The following SEMG2 variants were observed in gnomAD, a reference collection of about 807,000 sequenced individuals.
The protein encoded by SEMG2 is semenogelin 2, also known as semenogelin-2.
SEMG2 carries 3 observed loss-of-function variants against 8.1 expected under a neutral mutation model. That is an observed-to-expected ratio of 0.37 (90% CI 0.17 to 0.96). SEMG2 has a LOEUF of 0.96. Ranked by LOEUF, SEMG2 falls within the 40% of genes least tolerant of loss-of-function variation. The pLI is 0.41. For synonymous variants in SEMG2, 252 were observed against 231.4 expected, an observed-to-expected ratio of 1.09 and a Z score of -0.81; for missense variants, 726 against 671.2, an observed-to-expected ratio of 1.08 and a Z score of -0.90.
chr20:45,222,867 G>A lies in SEMG2; in HGVS notation c.1235G>A (p.Ser412Asn). Residue 412 changes from serine to asparagine, a missense_variant, in exon 2 of 3, where the codon AGT (serine) becomes AAT (asparagine). Coordinates refer to ENST00000372769, the MANE Select transcript of SEMG2 (RefSeq NM_003008.3). ...KENKISYQSS[S>N]TEERRLNSGE... ...AATAAAATATCATACCAATCTTCGA[G>A]TACAGAAGAAAGACGTCTCAACAGT... 4 of 1,613,740 alleles carry A rather than the reference G, an allele frequency of 2.5e-6. No individual in the cohort carries two copies. The South Asian group carries it at 4.4e-5, about 18-fold the overall frequency.
rs1358291783 is a variant in SEMG2 at position 45,223,236 on chromosome 20, A to G, written c.1604A>G (p.Gln535Arg). 6.2e-7 allele frequency: 1 copy of G among 1,614,224 alleles called. No homozygotes were observed. Among genetic ancestry groups the G allele is most frequent in the Non-Finnish European group, 8.5e-7 (1 of 1,180,032 alleles). ...GKSGQSADSK[Q>R]DLLSHEQKGR... ...TCTGGTCAATCTGCAGATAGCAAAC[A>G]AGACCTACTCAGTCATGAACAAAAA... is the stretch of plus-strand genomic sequence containing the variant. Residue 535 changes from glutamine to arginine, a missense_variant, in exon 2 of 3, where the codon CAA (glutamine) becomes CGA (arginine). Physicochemically the swap from Gln to Arg is conservative, Grantham distance 43. Transcript: ENST00000372769.
Position 45,222,860 on chromosome 20 carries a change from T to C in SEMG2, c.1228T>C (p.Ser410Pro). 1 of 1,613,608 alleles carries C rather than the reference T, an allele frequency of 6.2e-7. No individual in the cohort carries two copies. Among genetic ancestry groups the C allele is most frequent in the Non-Finnish European group, 8.5e-7 (1 of 1,179,910 alleles). The part of the protein sequence containing the change: ...GHKENKISYQ[S>P]SSTEERRLNS... ...TAAGGAAAATAAAATATCATACCAATCTTCGAGTACAGAAGAAAGACGTCT... is the reference window on the plus strand; with the variant it reads ...TAAGGAAAATAAAATATCATACCAACCTTCGAGTACAGAAGAAAGACGTCT... Residue 410 changes from serine to proline, a missense_variant, in exon 2 of 3, where the codon TCT (serine) becomes CCT (proline). Transcript: ENST00000372769.
intron 2 of SEMG2, 132 bp downstream of exon 2, chr20:45,223,557 A>G (rs1458531156): frequency 1.7e-4 from 88 of 506,146 alleles, no homozygotes; most frequent in Non-Finnish European, 6.2e-5. Context: ...GGGAAGATGA[A>G]CACCATTTCC....
At position 45,221,950 on chromosome 20, in the gene SEMG2, G is replaced by T. The variant is rs773732268; in HGVS notation, c.318G>T (p.Leu106=). The T allele has an allele frequency of 1.2e-6, 2 of 1,613,398 alleles. No individual in the cohort carries two copies. The highest frequency in any genetic ancestry group is 8.5e-7 in the Non-Finnish European group (1 of 1,179,830). ...AACACCTAGGTGGAAGTCAACAACT[G>T]CTCAATTATAAACAAGAAGGCAGAG... ...SKQHLGGSQQ[L]LNYKQEGRDH... Residue 106 remains leucine, a synonymous_variant, in exon 2 of 3, where the codon CTG becomes CTT. Transcript: ENST00000372769.
rs1204674875 is a variant in SEMG2 at position 45,223,101 on chromosome 20, C to T, written c.1469C>T (p.Ser490Phe). The T allele has an allele frequency of 6.2e-7, 1 of 1,614,098 alleles. No homozygotes were observed. The highest frequency in any genetic ancestry group is 8.5e-7 in the Non-Finnish European group (1 of 1,180,002). ...GGAAAGAGCACGCAGAAAGATGTAT[C>T]CCAAAGCAGTATTTCTTTCCAAATT... ...YGGKSTQKDV[S>F]QSSISFQIEK... Residue 490 changes from serine (S) to phenylalanine (F), a missense_variant, in exon 2 of 3, where the codon TCC becomes TTC. Physicochemically the swap from Ser to Phe is radical, Grantham distance 155. Transcript: ENST00000372769.
At chr20:45,223,688 G>A (rs189691241) in intron 2 of SEMG2, among the ~76,000 whole-genome samples, 1 of 152,142 alleles carries the variant, frequency 6.6e-6, no homozygotes, top group Non-Finnish European at 1.5e-5. Context: ...ACCTGCTAAA[G>A]ATTTTTTTGA....
At position 45,221,998 on chromosome 20, in the gene SEMG2, T is replaced by C. The variant is rs753403910; in HGVS notation, c.366T>C (p.His122=). The change falls in exon 2 of 3, where the codon CAT becomes CAC. Residue 122 remains histidine (H), a synonymous_variant. Transcript: ENST00000372769. The part of the protein sequence containing the change: ...EGRDHDKSKG[H]FHMIVIHHKG... The stretch of plus-strand genomic sequence containing the variant: ...GAGACCATGATAAATCAAAAGGTCA[T>C]TTTCACATGATAGTTATACATCATA... The C allele has an allele frequency of 1.2e-6, 2 of 1,613,992 alleles. No individual in the cohort carries two copies. The highest frequency in any genetic ancestry group is 2.7e-5 in the African/African-American group (2 of 74,930).
rs773132069 is a variant in SEMG2, at chr20:45,222,029, G to A, written c.397G>A (p.Gly133Ser). 8.7e-6 allele frequency: 14 copies of A among 1,614,022 alleles called. No individual in the cohort carries two copies. The highest frequency in any genetic ancestry group is 2.7e-5 in the African/African-American group (2 of 74,914). Residue 133 changes from glycine (G) to serine (S), a missense_variant, in exon 2 of 3, where the codon GGC (glycine) becomes AGC (serine). Transcript: ENST00000372769. The stretch of plus-strand genomic sequence containing the variant: ...CATGATAGTTATACATCATAAAGGA[G>A]GCCAAGCTCATCATGGGACACAAAA... ...FHMIVIHHKGGQAHHGTQNPS... is the reference protein window; with the variant it reads ...FHMIVIHHKGSQAHHGTQNPS...
Position 45,222,415 on chromosome 20 carries a change from A to C in SEMG2, c.783A>C (p.Leu261=). Residue 261 remains leucine, a synonymous_variant, in exon 2 of 3, where the codon CTA becomes CTC. Transcript: ENST00000372769. ...KDIFTTQDEL[L]VYNKNQHQTK... is the part of the protein sequence containing the mutation. Reference sequence around the variant, plus strand: ...TTTTTACTACCCAAGATGAGCTCCTAGTATATAACAAGAATCAACACCAGA... The same window carrying C: ...TTTTTACTACCCAAGATGAGCTCCTCGTATATAACAAGAATCAACACCAGA... The C allele has an allele frequency of 6.2e-7, 1 of 1,614,142 alleles. No individual in the cohort carries two copies. The highest frequency in any genetic ancestry group is 8.5e-7 in the Non-Finnish European group (1 of 1,179,992).
In SEMG2 at chr20:45,221,803, T is replaced by C. The variant is rs1202210444; in HGVS notation, c.171T>C (p.Thr57=). The C allele has an allele frequency of 2.5e-6, 4 of 1,614,156 alleles. No homozygotes were observed. Among genetic ancestry groups the C allele is most frequent in the Non-Finnish European group, 3.4e-6 (4 of 1,180,010 alleles). Residue 57 remains threonine, a synonymous_variant, in exon 2 of 3, where the codon ACT becomes ACC. Coordinates refer to ENST00000372769, the MANE Select transcript of SEMG2 (RefSeq NM_003008.3). ...TTGGACAAAAAGACCAACAACATAC[T>C]AAATCCAAAGGCAGTTTTTCTATTC... The part of the protein sequence containing the change: ...HYFGQKDQQH[T]KSKGSFSIQH...
rs1364200466 is a variant in SEMG2 at position 45,223,241 on chromosome 20, C to G, written c.1609C>G (p.Leu537Val). The G allele has an allele frequency of 3.1e-6, 5 of 1,614,086 alleles. No homozygotes were observed. The highest frequency in any genetic ancestry group is 4.2e-6 in the Non-Finnish European group (5 of 1,179,978). ...TCAATCTGCAGATAGCAAACAAGAC[C>G]TACTCAGTCATGAACAAAAAGGCAG... ...SGQSADSKQD[L>V]LSHEQKGRYK... The change falls in exon 2 of 3, where the codon CTA (leucine) becomes GTA (valine). Residue 537 changes from leucine (L) to valine (V), a missense_variant. Leu to Val is a conservative substitution (Grantham distance 32). Transcript: ENST00000372769.
chr20:45,223,473 TG>T, intron 2 of SEMG2, 48 bp downstream of exon 2: 1 of 792,614 alleles, frequency 1.3e-6, no homozygotes, highest in Non-Finnish European at 2.0e-6. Flanking sequence ...GTCCCAAAGT[TG>T]GGGACTCTCC....
rs997450537 is a variant in SEMG2 at position 45,223,298 on chromosome 20, A to G, written c.1666A>G (p.Ile556Val). ...ACAGGAATCCAGTGAGTCACATAAT[A>G]TTGTAATTACTGAGCATGAGGTTGC... ...YKQESSESHN[I>V]VITEHEVAQD... Residue 556 changes from isoleucine (I) to valine (V), a missense_variant, in exon 2 of 3, where the codon ATT becomes GTT. Transcript: ENST00000372769. 6.2e-7 allele frequency: 1 copy of G among 1,614,112 alleles called. No individual in the cohort carries two copies. The highest frequency in any genetic ancestry group is 1.7e-5 in the Admixed American group (1 of 60,026).
chr20:45,221,579 T>C lies in SEMG2; in HGVS notation c.76+114T>C, dbSNP rs536150352. The C allele has an allele frequency of 1.3e-4, 189 of 1,411,984 alleles. No homozygotes were observed. In the South Asian group the frequency reaches 1.5e-3, roughly 12 times the overall value. The allele number at this position is 1,411,984 out of a possible 1,614,324, so 87.5% of individuals were successfully genotyped here. On this transcript the variant is annotated intron_variant, in intron 1 of 2. Coordinates refer to ENST00000372769, the MANE Select transcript of SEMG2 (RefSeq NM_003008.3). The stretch of plus-strand genomic sequence containing the variant: ...CACAGATTCTTCTCCTTGATGAGAA[T>C]TGATTTTTCTCCACCCAACGCTGTA...
In SEMG2 at chr20:45,221,429, A is replaced by C; in HGVS notation, c.40A>C (p.Ile14Leu). 1 of 1,614,158 alleles carries C rather than the reference A, an allele frequency of 6.2e-7. No individual in the cohort carries two copies. The highest frequency in any genetic ancestry group is 8.5e-7 in the Non-Finnish European group (1 of 1,180,008). ...CCTCTTTGTCCTTTCCCTGCTCCTT[A>C]TCTTGGAGAAGCAAGCAGCTGTGAT... The part of the protein sequence containing the change: ...IILFVLSLLL[I>L]LEKQAAVMGQ... Residue 14 changes from isoleucine to leucine, a missense_variant, in exon 1 of 3, where the codon ATC becomes CTC. By Grantham distance (5) the Ile-to-Leu change is conservative. Coordinates refer to ENST00000372769, the MANE Select transcript of SEMG2 (RefSeq NM_003008.3).
intron 2 of SEMG2, among the ~76,000 whole-genome samples, chr20:45,223,720 A>G (rs1214638046): frequency 1.3e-5 from 2 of 152,236 alleles, no homozygotes; most frequent in African/African-American, 4.8e-5. Flanking sequence ...CTATATATGC[A>G]TATTTATGAG....
chr20:45,223,688 G>T lies in SEMG2; in HGVS notation c.*44+263G>T, dbSNP rs189691241. Among the ~76,000 whole-genome samples the T allele has an allele frequency of 2.6e-5, 4 of 152,260 alleles. No homozygotes were observed. The East Asian group carries it at 7.7e-4, about 29-fold the overall frequency. ...TTTTTATACATGCCTACCTGCTAAA[G>T]ATTTTTTTGAACATGCACTGACTAT... is the stretch of plus-strand genomic sequence containing the variant. On this transcript the variant is annotated intron_variant, in intron 2 of 2. Coordinates refer to ENST00000372769, the MANE Select transcript of SEMG2 (RefSeq NM_003008.3).
At position 45,221,447 on chromosome 20, in the gene SEMG2, G is replaced by C; in HGVS notation, c.58G>C (p.Ala20Pro). The C allele has an allele frequency of 6.2e-7, 1 of 1,614,182 alleles. No individual in the cohort carries two copies. The highest frequency in any genetic ancestry group is 8.5e-7 in the Non-Finnish European group (1 of 1,180,004). ...SLLLILEKQAAVMGQKGGSKG... is the reference protein window; with the variant it reads ...SLLLILEKQAPVMGQKGGSKG... Reference sequence around the variant, plus strand: ...GCTCCTTATCTTGGAGAAGCAAGCAGCTGTGATGGGACAAAAAGGTGAGTG... The same window carrying C: ...GCTCCTTATCTTGGAGAAGCAAGCACCTGTGATGGGACAAAAAGGTGAGTG... The change falls in exon 1 of 3, where the codon GCT becomes CCT. Residue 20 changes from alanine (A) to proline (P), a missense_variant. Ala to Pro is a conservative substitution (Grantham distance 27, BLOSUM62 -1). Coordinates refer to ENST00000372769, the MANE Select transcript of SEMG2 (RefSeq NM_003008.3).
chr20:45,223,019 G>A lies in SEMG2; in HGVS notation c.1387G>A (p.Glu463Lys), dbSNP rs116547998. ...PSQDQEHGHKENKMSYQSSST... is the reference protein window; with the variant it reads ...PSQDQEHGHKKNKMSYQSSST... ...TCAAGATCAAGAGCATGGCCATAAG[G>A]AAAATAAAATGTCATACCAATCTTC... Residue 463 changes from glutamate to lysine, a missense_variant, in exon 2 of 3, where the codon GAA (glutamate) becomes AAA (lysine). Physicochemically the swap from Glu to Lys is moderately conservative, Grantham distance 56. Coordinates refer to ENST00000372769, the MANE Select transcript of SEMG2 (RefSeq NM_003008.3). 6.3e-5 allele frequency: 102 copies of A among 1,614,114 alleles called. No individual in the cohort carries two copies. The African/African-American group carries it at 1.3e-3, about 21-fold the overall frequency.
Sources: gnomAD v4.1 joint callset for allele counts (sites outside exome capture counted in the v4.1 genomes callset) on GRCh38, gnomAD v4.1.1 for gene constraint, MANE v1.5 for transcripts, NCBI Gene and HGNC (gene_info 2026-07-23, HGNC 2026-07-21) for gene names.